Variants in NPAS3 observed in about 807,000 individuals in gnomAD.
NPAS3 encodes neuronal PAS domain protein 3, also known as neuronal PAS domain-containing protein 3.
Under a neutral mutation model 73.1 loss-of-function variants are expected in NPAS3, and 14 were observed. That is an observed-to-expected ratio of 0.19 (90% CI 0.13 to 0.30). The LOEUF (loss-of-function observed/expected upper bound fraction) is 0.30. NPAS3 is among the 10% of genes least tolerant of loss of function. The pLI, the probability that NPAS3 is intolerant of heterozygous loss-of-function variation, is 1.00. For missense variants in NPAS3, 1,096 were observed against 1,250.0 expected (o/e 0.88, Z 1.86); for synonymous variants, 620 against 541.5 (o/e 1.14, Z -2.01).
At chr14:33,770,530 C>G (rs777758200) in intron 7 of NPAS3, among the ~76,000 whole-genome samples, 3 of 152,198 alleles carry the variant, frequency 2.0e-5, no homozygotes, top group Non-Finnish European at 4.4e-5. Flanking sequence ...TTACCTTGGT[C>G]AGCTTCCTGG....
At position 33,617,264 on chromosome 14, in the gene NPAS3, C is replaced by T. The variant is rs552175978; in HGVS notation, c.558+57054C>T. Among the ~76,000 whole-genome samples, 19 of 152,256 alleles carry T rather than the reference C, an allele frequency of 1.2e-4. No homozygotes were observed. In the South Asian group the frequency reaches 3.9e-3, roughly 32 times the overall value. On this transcript the variant is annotated intron_variant, in intron 5 of 11. Transcript: ENST00000356141. ...TCTGGAAAAGGGCCAAACACTCAAG[C>T]TTTATTAATGTATTCCATTTACTGA...
chr14:33,495,726 A>C (rs1320817933), intron 4 of NPAS3, among the ~76,000 whole-genome samples: 3 of 151,918 alleles, frequency 2.0e-5, no homozygotes, highest in South Asian at 4.1e-4. Context: ...ACCATTATGT[A>C]ATGCCCTTCT....
chr14:33,071,786 T>C (rs999709986), intron 2 of NPAS3, among the ~76,000 whole-genome samples: 1 of 152,208 alleles, frequency 6.6e-6, no homozygotes, highest in Admixed American at 6.5e-5. Context: ...ATAATTTTAT[T>C]CTGGAAAATT....
intron 1 of NPAS3, among the ~76,000 whole-genome samples, chr14:33,044,317 C>T (rs1319822317): frequency 2.0e-5 from 3 of 152,126 alleles, no homozygotes; most frequent in Non-Finnish European, 4.4e-5. Context: ...AGTTCTCAGT[C>T]TTCATTACTG....
intron 3 of NPAS3, among the ~76,000 whole-genome samples, chr14:33,366,745 G>A (rs1380303387): frequency 6.6e-6 from 1 of 152,034 alleles, no homozygotes; most frequent in Non-Finnish European, 1.5e-5. Context: ...AAAGTTTCCT[G>A]TTTGCTTTTT....
chr14:33,734,112 T>C (rs942889966), intron 6 of NPAS3, among the ~76,000 whole-genome samples: 31 of 152,214 alleles, frequency 2.0e-4, no homozygotes, highest in African/African-American at 7.2e-4. Flanking sequence ...CTTAAATCTC[T>C]TTATTACACA....
intron 3 of NPAS3, among the ~76,000 whole-genome samples, chr14:33,315,743 A>G (rs2043185281): frequency 6.6e-6 from 1 of 151,952 alleles, no homozygotes; most frequent in Non-Finnish European, 1.5e-5. Context: ...CATCAGTGGG[A>G]AAAGCTATGG....
chr14:33,471,281 G>A (rs2050769794), intron 4 of NPAS3, among the ~76,000 whole-genome samples: 1 of 152,236 alleles, frequency 6.6e-6, no homozygotes, highest in Admixed American at 6.5e-5. Flanking sequence ...AGCTGGGGCA[G>A]TAATCTCATG....
intron 1 of NPAS3, among the ~76,000 whole-genome samples, chr14:33,017,221 G>A (rs1052838454): frequency 6.6e-6 from 1 of 152,122 alleles, no homozygotes; most frequent in Non-Finnish European, 1.5e-5. Context: ...AATTAGACGT[G>A]TTCTGTGATG....
chr14:33,166,986 T>A (rs898969063), intron 2 of NPAS3, among the ~76,000 whole-genome samples: 1 of 152,182 alleles, frequency 6.6e-6, no homozygotes, highest in African/African-American at 2.4e-5. Flanking sequence ...TAATGTAATT[T>A]AAGTAAGACA....
intron 4 of NPAS3, among the ~76,000 whole-genome samples, chr14:33,372,694 A>G (rs912089503): frequency 1.3e-5 from 2 of 152,220 alleles, no homozygotes; most frequent in Admixed American, 1.3e-4. Flanking sequence ...CAGTCTTGCA[A>G]TGGCAGGGCT....
At chr14:33,387,196 C>T (rs1223047473) in intron 4 of NPAS3, among the ~76,000 whole-genome samples, 1 of 152,154 alleles carries the variant, frequency 6.6e-6, no homozygotes, top group Non-Finnish European at 1.5e-5. Flanking sequence ...TTAGTCTGTT[C>T]AATGTCAGAT....
rs115909575 is a variant in NPAS3 at position 33,155,082 on chromosome 14, G to T, written c.141-60100G>T. Among the ~76,000 whole-genome samples the T allele has an allele frequency of 5.7e-3, 872 of 152,288 alleles. 5 individuals carry two copies. Among genetic ancestry groups the T allele is most frequent in the African/African-American group, 0.019 (803 of 41,568 alleles). ...ACTCACAGACTAAACAAAAACTGGT[G>T]CTAGGCCAGATACTGCCTGCAGGGC... On this transcript the variant is annotated intron_variant, in intron 2 of 11. Coordinates refer to ENST00000356141, the Ensembl canonical transcript of NPAS3.
At chr14:33,454,405 A>G (rs2049934263) in intron 4 of NPAS3, among the ~76,000 whole-genome samples, 1 of 152,208 alleles carries the variant, frequency 6.6e-6, no homozygotes, top group African/African-American at 2.4e-5. Context: ...CCCAACCATA[A>G]AATGAGGATA....
intron 5 of NPAS3, among the ~76,000 whole-genome samples, chr14:33,644,317 A>C (rs921675377): frequency 1.3e-5 from 2 of 152,248 alleles, no homozygotes; most frequent in Non-Finnish European, 2.9e-5. Flanking sequence ...ATGGCATGAA[A>C]TACCTTTATT....
At position 33,236,710 on chromosome 14, in the gene NPAS3, C is replaced by A. The variant is rs541172354; in HGVS notation, c.385+21284C>A. On this transcript the variant is annotated intron_variant, in intron 3 of 11. Coordinates refer to ENST00000356141, the Ensembl canonical transcript of NPAS3. ...TGATGGACATTCCCAGGTCTGGCTTCGACATTTTAGTCTGTGACATGGCAA... is the reference window on the plus strand; with the variant it reads ...TGATGGACATTCCCAGGTCTGGCTTAGACATTTTAGTCTGTGACATGGCAA... Among the ~76,000 whole-genome samples, 7 of 152,118 alleles carry A rather than the reference C, an allele frequency of 4.6e-5. No homozygotes were observed. The East Asian group carries it at 1.4e-3, about 29-fold the overall frequency.
At chr14:33,314,531 GTGAT>G (rs1183299328) in intron 3 of NPAS3, among the ~76,000 whole-genome samples, 1 of 151,916 alleles carries the variant, frequency 6.6e-6, no homozygotes, top group African/African-American at 2.4e-5. Context: ...GGTGGTGGTG[GTGAT>G]TATTTAAAAT....
At chr14:33,279,198 A>G (rs1351653694) in intron 3 of NPAS3, among the ~76,000 whole-genome samples, 3 of 152,118 alleles carry the variant, frequency 2.0e-5, no homozygotes, top group Non-Finnish European at 2.9e-5. Context: ...TGGTTCCGGG[A>G]CCATACTTAG....
intron 6 of NPAS3, among the ~76,000 whole-genome samples, chr14:33,720,508 G>C (rs2061078014): frequency 6.6e-6 from 1 of 152,218 alleles, no homozygotes; most frequent in Non-Finnish European, 1.5e-5. Flanking sequence ...TAGTGTGTTA[G>C]TGAACAGGTT....
Sources: gnomAD v4.1 joint callset for allele counts (sites outside exome capture counted in the v4.1 genomes callset) on GRCh38, gnomAD v4.1.1 for gene constraint, MANE v1.5 for transcripts, NCBI Gene and HGNC (gene_info 2026-07-23, HGNC 2026-07-21) for gene names.